Variants in PSMA1 observed in about 807,000 individuals in gnomAD.
The protein encoded by PSMA1 is proteasome 20S subunit alpha 1.
Under a neutral mutation model 38.4 loss-of-function variants are expected in PSMA1, and 3 were observed. That is an observed-to-expected ratio of 0.08 (90% confidence interval 0.04 to 0.20). The LOEUF (loss-of-function observed/expected upper bound fraction) is 0.20, where lower values mean the gene tolerates loss of function less well. PSMA1 is among the 10% of genes least tolerant of loss of function. The probability of loss-of-function intolerance (pLI) is 1.00; values close to 1 mark genes in which losing one functional copy is unlikely to be tolerated. For synonymous variants in PSMA1, 101 were observed against 107.1 expected (o/e 0.94, Z 0.35); for missense variants, 227 against 325.3 (o/e 0.70, Z 2.32).
At chr11:14,540,018 T>TA (rs1851755246) in intron 2 of PSMA1, among the ~76,000 whole-genome samples, 1 of 152,182 alleles carries the variant, frequency 6.6e-6, no homozygotes, top group African/African-American at 2.4e-5. Context: ...GCTGCGTGAC[T>TA]ACTCTAAGCA....
chr11:14,615,642 A>C (rs946745931), intron 1 of PSMA1, among the ~76,000 whole-genome samples: 1 of 152,190 alleles, frequency 6.6e-6, no homozygotes, highest in African/African-American at 2.4e-5. Flanking sequence ...TTAACTGCCT[A>C]TACCTTTGTA....
rs1851503346 is a variant in PSMA1 at position 14,520,109 on chromosome 11, C to A, written c.3+188G>T. On this transcript the variant is annotated intron_variant, in intron 1 of 9. Transcript: ENST00000396394. ...AAGCGAAAGCGGTGGAAAGGCCGCA[C>A]TGGCTACCGATAACCCCTAGCCCGG... The A allele has an allele frequency of 7.9e-6, 7 of 884,468 alleles. No individual in the cohort carries two copies. The East Asian group carries it at 1.7e-4, about 22-fold the overall frequency. 54.8% of individuals were successfully genotyped at this position (884,468 alleles called of 1,614,324 possible).
intron 1 of PSMA1, among the ~76,000 whole-genome samples, chr11:14,614,178 G>A (rs530239191): frequency 1.3e-5 from 2 of 152,086 alleles, no homozygotes; most frequent in South Asian, 2.1e-4. Flanking sequence ...TAAAAACTGA[G>A]GGTTGTTTGT....
At chr11:14,642,291 T>C (rs890063302) in intron 1 of PSMA1, among the ~76,000 whole-genome samples, 3 of 152,250 alleles carry the variant, frequency 2.0e-5, no homozygotes, top group Non-Finnish European at 2.9e-5. Flanking sequence ...ATGAGTTCTA[T>C]GCACATCATA....
upstream of PSMA1, among the ~76,000 whole-genome samples, chr11:14,521,957 T>C (rs184877220): frequency 8.9e-4 from 136 of 152,282 alleles, no homozygotes; most frequent in Non-Finnish European, 1.3e-3. Flanking sequence ...TTCTCTTTCG[T>C]TTCTCCAGGA....
At chr11:14,601,938 C>T (rs1852585396) in intron 2 of PSMA1, among the ~76,000 whole-genome samples, 2 of 152,050 alleles carry the variant, frequency 1.3e-5, no homozygotes, top group Non-Finnish European at 2.9e-5. Context: ...CAATGTTTAC[C>T]CGCACCCTTC....
chr11:14,545,183 T>A (rs1589988612), intron 2 of PSMA1, among the ~76,000 whole-genome samples: 1 of 152,358 alleles, frequency 6.6e-6, no homozygotes, highest in East Asian at 1.9e-4. Flanking sequence ...TCAATAAAGA[T>A]GTTTTAAAAA....
Position 14,598,197 on chromosome 11 carries a change from A to G in PSMA1, c.21+12769T>C, listed in dbSNP as rs190947386. 4.1e-4 allele frequency among the ~76,000 whole-genome samples: 62 copies of G among 152,202 alleles called. No homozygotes were observed. In the East Asian group the frequency reaches 0.011, roughly 27 times the overall value. On this transcript the variant is annotated intron_variant, in intron 2 of 10. Coordinates refer to the PSMA1 transcript ENST00000418988. ...TGTGGTCAATTTTGGAATAAGTGTG[A>G]TTGATGCTGAGAAGAATGTATATTC... is the stretch of plus-strand genomic sequence containing the variant.
intron 2 of PSMA1, among the ~76,000 whole-genome samples, chr11:14,567,857 T>C (rs896030): frequency 1 from 152,089 of 152,336 alleles, 75,921 homozygotes; most frequent in Non-Finnish European, 1. Context: ...TTCCTGAGAG[T>C]AAGAAGGCTG....
At chr11:14,520,682 ACT>A, upstream of PSMA1, 1 of 359,592 alleles carries the variant, frequency 2.8e-6, no homozygotes, top group Non-Finnish European at 5.2e-6. Context: ...AACAGCCGTG[ACT>A]CTGGGTGATA....
At position 14,622,093 on chromosome 11, in the gene PSMA1, T is replaced by C. The variant is rs565147470; in HGVS notation, c.-165-10942A>G. On this transcript the variant is annotated intron_variant, in intron 1 of 10. Transcript: ENST00000418988. Reference sequence around the variant, plus strand: ...CCTAGATGCTCTAGACAGAAAAGTATGTAAGACTGGGTACCTATGCAGACT... The same window carrying C: ...CCTAGATGCTCTAGACAGAAAAGTACGTAAGACTGGGTACCTATGCAGACT... Among the ~76,000 whole-genome samples the C allele has an allele frequency of 7.9e-5, 12 of 152,326 alleles. No individual in the cohort carries two copies. The South Asian group carries it at 2.3e-3, about 29-fold the overall frequency.
chr11:14,619,173 G>T (rs2134202504), intron 1 of PSMA1, among the ~76,000 whole-genome samples: 1 of 152,134 alleles, frequency 6.6e-6, no homozygotes, highest in East Asian at 1.9e-4. Context: ...TATAGGCTGG[G>T]CATGGCAGCT....
intron 2 of PSMA1, among the ~76,000 whole-genome samples, chr11:14,590,735 T>C (rs1852402986): frequency 6.6e-6 from 1 of 152,194 alleles, no homozygotes; most frequent in African/African-American, 2.4e-5. Flanking sequence ...TCGTTTGCCA[T>C]GGCTAGAAGT....
At chr11:14,578,779 TAA>T (rs1283457327) in intron 2 of PSMA1, among the ~76,000 whole-genome samples, 1 of 152,172 alleles carries the variant, frequency 6.6e-6, no homozygotes, top group Non-Finnish European at 1.5e-5. Context: ...TGGTTACATG[TAA>T]AAGAGATTCT....
rs150139841 is a variant in PSMA1, at chr11:14,568,811, A to G, written c.21+42155T>C. On this transcript the variant is annotated intron_variant, in intron 2 of 10. Coordinates refer to the PSMA1 transcript ENST00000418988. ...GGAAAGGCTTTCTGGAGTCCTTTGT[A>G]TAAGACTTTGCTTCTGCAAGATTCA... is the stretch of plus-strand genomic sequence containing the variant. Among the ~76,000 whole-genome samples the G allele has an allele frequency of 3.0e-3, 452 of 152,330 alleles. 4 individuals are homozygous for G. The highest frequency in any genetic ancestry group is 0.01 in the African/African-American group (434 of 41,564).
intron 2 of PSMA1, among the ~76,000 whole-genome samples, chr11:14,557,603 T>C (rs1851955598): frequency 6.6e-6 from 1 of 152,210 alleles, no homozygotes; most frequent in South Asian, 2.1e-4. Context: ...TTCTAAAAGC[T>C]ATTTCTAGTT....
intron 4 of PSMA1, among the ~76,000 whole-genome samples, chr11:14,515,704 C>A (rs945946250): frequency 6.6e-6 from 1 of 151,632 alleles, no homozygotes; most frequent in African/African-American, 2.4e-5. Flanking sequence ...CAGGTGCCTG[C>A]CACCACGTTC....
intron 2 of PSMA1, among the ~76,000 whole-genome samples, chr11:14,528,323 T>G (rs1260514109): frequency 6.6e-6 from 1 of 152,186 alleles, no homozygotes; most frequent in Non-Finnish European, 1.5e-5. Context: ...ATTTTTCTCC[T>G]TCTTTTATTC....
chr11:14,608,250 C>T (rs1011830777), intron 2 of PSMA1, among the ~76,000 whole-genome samples: 1 of 151,994 alleles, frequency 6.6e-6, no homozygotes, highest in Non-Finnish European at 1.5e-5. Context: ...GCCTGGGAGA[C>T]TGAGGCAGGA....
Sources: allele counts gnomAD v4.1 joint callset (sites outside exome capture counted in the v4.1 genomes callset), GRCh38; gene constraint gnomAD v4.1.1; transcripts MANE v1.5; gene names NCBI Gene and HGNC (gene_info 2026-07-23, HGNC 2026-07-21).